RASSF3: variants seen among roughly 807,000 people sequenced by gnomAD.
The protein encoded by RASSF3 is Ras association domain family member 3.
In RASSF3, 19 loss-of-function variants were observed where a neutral mutation model predicts 19.9. That is an observed-to-expected ratio of 0.96 (90% CI 0.67 to 1.40). The LOEUF is 1.40. Ranked by LOEUF, RASSF3 falls within the 40% of genes most tolerant of loss-of-function variation. RASSF3 has a pLI of 0.00. For missense variants in RASSF3, 306 were observed against 289.8 expected, an observed-to-expected ratio of 1.06 and a Z score of -0.41; for synonymous variants, 110 against 104.2, an observed-to-expected ratio of 1.06 and a Z score of -0.34.
At chr12:64,601,121 CAATA>C (rs1285759958) in intron 2 of RASSF3, among the ~76,000 whole-genome samples, 1 of 151,872 alleles carries the variant, frequency 6.6e-6, no homozygotes, top group Non-Finnish European at 1.5e-5. Context: ...GACCATGCCT[CAATA>C]AATAAATAAA....
chr12:64,523,913 G>A (rs1868530038), intron 1 of RASSF3, among the ~76,000 whole-genome samples: 1 of 152,068 alleles, frequency 6.6e-6, no homozygotes, highest in Non-Finnish European at 1.5e-5. Context: ...CATCACCTCA[G>A]TTTGATCTCC....
chr12:64,647,907 G>A (rs1039748024), intron 1 of RASSF3, among the ~76,000 whole-genome samples: 1 of 152,134 alleles, frequency 6.6e-6, no homozygotes, highest in Non-Finnish European at 1.5e-5. Flanking sequence ...TGAGAAATAG[G>A]TCCAACCTTC....
chr12:64,691,681 A>T (rs1868283743), intron 4 of RASSF3, 102 bp downstream of exon 4: 2 of 834,272 alleles, frequency 2.4e-6, no homozygotes, highest in Non-Finnish European at 4.0e-6. Flanking sequence ...TGGGAAGAGA[A>T]GAGAGTTGGA....
chr12:64,634,672 A>G (rs1451576185), intron 1 of RASSF3, among the ~76,000 whole-genome samples: 2 of 151,306 alleles, frequency 1.3e-5, no homozygotes, highest in Non-Finnish European at 2.9e-5. Flanking sequence ...GAAGCATGAG[A>G]ATCGCTTGAA....
intron 2 of RASSF3, among the ~76,000 whole-genome samples, chr12:64,569,387 C>T (rs1174479413): frequency 6.6e-6 from 1 of 152,238 alleles, no homozygotes; most frequent in Non-Finnish European, 1.5e-5. Context: ...ATTTCAGCCT[C>T]TTCTTGGCCT....
chr12:64,574,140 TAA>T (rs879583167), intron 2 of RASSF3, among the ~76,000 whole-genome samples: 29 of 140,414 alleles, frequency 2.1e-4, no homozygotes, highest in African/African-American at 5.5e-4. Context: ...CTGCCTCTAC[TAA>T]AAAAAAAAAA....
At chr12:64,507,344 G>C in intron 1 of RASSF3, 2 of 398,514 alleles carry the variant, frequency 5.0e-6, no homozygotes, top group Non-Finnish European at 8.8e-6. Flanking sequence ...GTTACCTCAG[G>C]CTAATGCCTT....
intron 1 of RASSF3, among the ~76,000 whole-genome samples, chr12:64,517,676 T>C (rs975195749): frequency 2.0e-5 from 3 of 151,670 alleles, no homozygotes; most frequent in Non-Finnish European, 4.4e-5. Flanking sequence ...TGGGGTACAG[T>C]AGCACAATCA....
At chr12:64,623,009 C>CG (rs1870839963) in intron 1 of RASSF3, among the ~76,000 whole-genome samples, 1 of 151,826 alleles carries the variant, frequency 6.6e-6, no homozygotes, top group Non-Finnish European at 1.5e-5. Flanking sequence ...TTAGTAGAGA[C>CG]GGGGTTTCAC....
chr12:64,677,353 G>T (rs56206108), intron 1 of RASSF3, among the ~76,000 whole-genome samples: 1 of 152,072 alleles, frequency 6.6e-6, no homozygotes, highest in African/African-American at 2.4e-5. Flanking sequence ...TTGAGAAAAC[G>T]TTCTGGGCTC....
chr12:64,603,578 T>A (rs1188029383), intron 2 of RASSF3, among the ~76,000 whole-genome samples: 1 of 151,176 alleles, frequency 6.6e-6, no homozygotes, highest in East Asian at 1.9e-4. Context: ...AGGTAACACA[T>A]CCTTTCCTTG....
At chr12:64,595,119 G>A (rs1373076673) in intron 2 of RASSF3, among the ~76,000 whole-genome samples, 3 of 141,148 alleles carry the variant, frequency 2.1e-5, no homozygotes, top group East Asian at 2.0e-4. Context: ...CCAGGCTGGG[G>A]TGCAGTGGTG....
At chr12:64,563,228 G>A (rs1450672279) in intron 2 of RASSF3, among the ~76,000 whole-genome samples, 5 of 150,822 alleles carry the variant, frequency 3.3e-5, no homozygotes, top group Non-Finnish European at 5.9e-5. Context: ...GGACAATTGC[G>A]TGATCTCGGC....
chr12:64,633,431 T>A (rs1871228922), intron 1 of RASSF3, among the ~76,000 whole-genome samples: 1 of 152,070 alleles, frequency 6.6e-6, no homozygotes, highest in Non-Finnish European at 1.5e-5. Context: ...GCTGGTTGTT[T>A]AAAAAGAGCC....
At chr12:64,688,680 A>C (rs1873456228) in intron 3 of RASSF3, among the ~76,000 whole-genome samples, 1 of 150,984 alleles carries the variant, frequency 6.6e-6, no homozygotes, top group Admixed American at 6.6e-5. Context: ...TCCATATGTG[A>C]TTGGCAGTTA....
rs1326752113 is a variant in RASSF3, at chr12:64,637,492, T to A, written c.111+26749T>A. Among the ~76,000 whole-genome samples the A allele has an allele frequency of 2.7e-5, 4 of 147,696 alleles. No individual in the cohort carries two copies. In the East Asian group the frequency reaches 8.2e-4, roughly 30 times the overall value. On this transcript the variant is annotated intron_variant, in intron 1 of 4. Transcript: ENST00000542104. ...AGGCCCAGGCTGGAGTGCAGTGGCG[T>A]GATCTCGGCTCACTGCAACCTCTGA... is the stretch of plus-strand genomic sequence containing the variant.
At chr12:64,658,146 A>T (rs1421197600) in intron 1 of RASSF3, among the ~76,000 whole-genome samples, 1 of 152,192 alleles carries the variant, frequency 6.6e-6, no homozygotes, top group Non-Finnish European at 1.5e-5. Context: ...TGCCCGTCAG[A>T]TGTCTGGAAA....
intron 2 of RASSF3, among the ~76,000 whole-genome samples, chr12:64,596,131 C>T (rs1164503129): frequency 2.0e-5 from 3 of 152,230 alleles, no homozygotes; most frequent in Non-Finnish European, 4.4e-5. Flanking sequence ...AGTCTACTAG[C>T]ATTTGATCAG....
chr12:64,567,512 G>A (rs903997681), intron 2 of RASSF3, among the ~76,000 whole-genome samples: 5 of 152,042 alleles, frequency 3.3e-5, no homozygotes, highest in African/African-American at 4.8e-5. Context: ...CTGCACAATC[G>A]TTATTCTCTC....
Sources: gnomAD v4.1 joint callset for allele counts (sites outside exome capture counted in the v4.1 genomes callset) on GRCh38, gnomAD v4.1.1 for gene constraint, MANE v1.5 for transcripts, NCBI Gene and HGNC (gene_info 2026-07-23, HGNC 2026-07-21) for gene names.